Variants in HDAC9 observed in about 807,000 individuals in gnomAD.
The protein encoded by HDAC9 is MEF-2 interacting transcription repressor (MITR) protein.
Under a neutral mutation model 139.4 loss-of-function variants are expected in HDAC9, and 41 were observed. That is an observed-to-expected ratio of 0.29 (90% CI 0.23 to 0.38). The LOEUF is 0.38. Among genes scored for constraint, HDAC9 ranks in the 10% least tolerant of loss-of-function variants. HDAC9 has a pLI of 1.00. For synonymous variants in HDAC9, 517 were observed against 476.2 expected, an observed-to-expected ratio of 1.09 and a Z score of -1.12; for missense variants, 1,147 against 1,297.0, an observed-to-expected ratio of 0.88 and a Z score of 1.78.
intron 1 of HDAC9, among the ~76,000 whole-genome samples, chr7:18,292,992 A>C (rs985791755): frequency 2.0e-5 from 3 of 151,712 alleles, no homozygotes; most frequent in African/African-American, 7.3e-5. Flanking sequence ...ATGGTGTTTT[A>C]AATTTTTTTT....
chr7:18,489,574 G>T (rs1364870952), intron 1 of HDAC9, among the ~76,000 whole-genome samples: 1 of 151,910 alleles, frequency 6.6e-6, no homozygotes, highest in East Asian at 1.9e-4. Context: ...AAACTGTATA[G>T]TAATCACCTT....
At chr7:18,960,698 A>G (rs1783470754) in intron 24 of HDAC9, among the ~76,000 whole-genome samples, 1 of 152,086 alleles carries the variant, frequency 6.6e-6, no homozygotes, top group East Asian at 1.9e-4. Flanking sequence ...GTAAAATAAG[A>G]CCGTATTTTA....
At chr7:18,449,119 A>G (rs1415861146) in intron 1 of HDAC9, among the ~76,000 whole-genome samples, 2 of 152,184 alleles carry the variant, frequency 1.3e-5, no homozygotes, top group Non-Finnish European at 2.9e-5. Context: ...ATACACCTTT[A>G]GATACATATC....
At chr7:18,216,037 A>T (rs933145323) in intron 2 of HDAC9, among the ~76,000 whole-genome samples, 3 of 151,836 alleles carry the variant, frequency 2.0e-5, no homozygotes, top group Non-Finnish European at 4.4e-5. Context: ...TTTTTTCAGT[A>T]AATACCACAA....
chr7:18,977,295 T>G (rs1349611442), intron 25 of HDAC9, among the ~76,000 whole-genome samples: 1 of 152,180 alleles, frequency 6.6e-6, no homozygotes, highest in African/African-American at 2.4e-5. Context: ...AAACAGTTAG[T>G]TGTCTGTCAT....
intron 21 of HDAC9, among the ~76,000 whole-genome samples, chr7:18,844,074 A>G (rs1005379185): frequency 6.6e-6 from 1 of 152,218 alleles, no homozygotes; most frequent in African/African-American, 2.4e-5. Context: ...TTGGTGTCAT[A>G]TAGATGGAAC....
At chr7:18,151,210 G>C (rs1349651946) in intron 1 of HDAC9, among the ~76,000 whole-genome samples, 1 of 152,168 alleles carries the variant, frequency 6.6e-6, no homozygotes, top group Non-Finnish European at 1.5e-5. Flanking sequence ...AGTTTCAAAG[G>C]TGGCTTTCTC....
At chr7:18,110,368 A>G (rs1461166966) in intron 1 of HDAC9, among the ~76,000 whole-genome samples, 2 of 152,228 alleles carry the variant, frequency 1.3e-5, no homozygotes, top group Non-Finnish European at 1.5e-5. Flanking sequence ...ATCAAAGTAC[A>G]GAGGAGGGGT....
chr7:18,671,292 A>G (rs868600701), intron 12 of HDAC9, among the ~76,000 whole-genome samples: 4 of 151,966 alleles, frequency 2.6e-5, no homozygotes, highest in Admixed American at 6.6e-5. Flanking sequence ...ATGCATAACA[A>G]TCCTCTCGAG....
At chr7:18,816,640 C>G (rs888145060) in intron 17 of HDAC9, among the ~76,000 whole-genome samples, 1 of 152,142 alleles carries the variant, frequency 6.6e-6, no homozygotes, top group African/African-American at 2.4e-5. Flanking sequence ...TCTCTCTGCT[C>G]CTAAATTGGT....
At chr7:18,658,686 G>A (rs983365750) in intron 11 of HDAC9, among the ~76,000 whole-genome samples, 6 of 152,020 alleles carry the variant, frequency 3.9e-5, no homozygotes, top group Non-Finnish European at 8.8e-5. Flanking sequence ...ATTTTGGCTT[G>A]AGGTTGGAGT....
chr7:18,367,964 A>G (rs1462086187), intron 1 of HDAC9, among the ~76,000 whole-genome samples: 2 of 152,112 alleles, frequency 1.3e-5, no homozygotes, highest in African/African-American at 4.8e-5. Flanking sequence ...CTTATTCAAC[A>G]TAGTGTTTCG....
chr7:18,962,386 C>A (rs758781073), intron 24 of HDAC9, among the ~76,000 whole-genome samples: 2 of 152,130 alleles, frequency 1.3e-5, no homozygotes, highest in Non-Finnish European at 2.9e-5. Flanking sequence ...TGACTTTGAA[C>A]TTCTAATTAA....
Position 18,705,285 on chromosome 7 carries a change from C to T in HDAC9, c.1732-22295C>T, listed in dbSNP as rs562695018. Reference sequence around the variant, plus strand: ...TCTGTTCATTGTGGTATTTTAACAGCGTCCCTGACTCCTCCTTACTAAGTG... The same window carrying T: ...TCTGTTCATTGTGGTATTTTAACAGTGTCCCTGACTCCTCCTTACTAAGTG... On this transcript the variant is annotated intron_variant, in intron 12 of 25. Coordinates refer to ENST00000686413, the MANE Select transcript of HDAC9 (RefSeq NM_178425.4). 4.7e-4 allele frequency among the ~76,000 whole-genome samples: 71 copies of T among 152,228 alleles called. No individual in the cohort carries two copies. In the South Asian group the frequency reaches 8.7e-3, roughly 19 times the overall value.
intron 1 of HDAC9, among the ~76,000 whole-genome samples, chr7:18,467,526 A>T (rs1242624220): frequency 6.6e-6 from 1 of 152,222 alleles, no homozygotes; most frequent in Non-Finnish European, 1.5e-5. Context: ...CAGGGCTGTC[A>T]TAAAATTCTA....
intron 1 of HDAC9, among the ~76,000 whole-genome samples, chr7:18,363,569 C>T (rs181763905): frequency 3.3e-5 from 5 of 152,224 alleles, no homozygotes; most frequent in Admixed American, 3.3e-4. Flanking sequence ...CTAAGTTAGA[C>T]TTGATTTTGA....
At chr7:18,811,907 T>A (rs1316056209) in intron 17 of HDAC9, among the ~76,000 whole-genome samples, 1 of 151,570 alleles carries the variant, frequency 6.6e-6, no homozygotes, top group Non-Finnish European at 1.5e-5. Context: ...TACATATTCA[T>A]CCCTTGATAT....
chr7:18,484,216 G>C (rs1241101353), intron 1 of HDAC9, among the ~76,000 whole-genome samples: 1 of 150,460 alleles, frequency 6.6e-6, no homozygotes, highest in Non-Finnish European at 1.5e-5. Context: ...ATGGTGGTGT[G>C]TGCCTGTAGT....
chr7:18,686,646 A>G (rs1562851722), intron 12 of HDAC9, among the ~76,000 whole-genome samples: 2 of 152,112 alleles, frequency 1.3e-5, no homozygotes, highest in Non-Finnish European at 1.5e-5. Flanking sequence ...GAATTTAGAT[A>G]TATAGCCTGG....
Sources: allele counts gnomAD v4.1 joint callset (sites outside exome capture counted in the v4.1 genomes callset), GRCh38; gene constraint gnomAD v4.1.1; transcripts MANE v1.5; gene names NCBI Gene and HGNC (gene_info 2026-07-23, HGNC 2026-07-21).